UNC13C: variants seen among roughly 807,000 people sequenced by gnomAD.
UNC13C encodes the protein protein unc-13 homolog C.
Under a neutral mutation model 245.4 loss-of-function variants are expected in UNC13C, and 174 were observed. That is an observed-to-expected ratio of 0.71 (90% CI 0.63 to 0.80). The LOEUF (loss-of-function observed/expected upper bound fraction) is 0.80. UNC13C is among the 30% of genes least tolerant of loss of function. UNC13C has a pLI of 0.00. For synonymous variants in UNC13C, 992 were observed against 895.1 expected (o/e 1.11, Z -1.93); for missense variants, 2,829 against 2,602.9 (o/e 1.09, Z -1.89).
At chr15:54,580,243 T>C (rs1471703032) in intron 30 of UNC13C, among the ~76,000 whole-genome samples, 1 of 152,236 alleles carries the variant, frequency 6.6e-6, no homozygotes, top group African/African-American at 2.4e-5. Flanking sequence ...TCACAGCTGA[T>C]TTCTGAGCGA....
chr15:54,479,369 C>T (rs1596455496), intron 19 of UNC13C, among the ~76,000 whole-genome samples: 1 of 151,932 alleles, frequency 6.6e-6, no homozygotes, highest in South Asian at 2.1e-4. Context: ...AATGTAAAGT[C>T]TCTTTTGTCT....
chr15:54,008,584 A>G (rs1325099050), intron 1 of UNC13C, among the ~76,000 whole-genome samples: 1 of 152,220 alleles, frequency 6.6e-6, no homozygotes, highest in East Asian at 1.9e-4. Flanking sequence ...AAATATCTAG[A>G]GAGTAAGTTG....
the UNC13C span, among the ~76,000 whole-genome samples, chr15:53,845,134 G>T: frequency 6.6e-6 from 1 of 151,928 alleles, no homozygotes; most frequent in African/African-American, 2.4e-5. Context: ...GACTAGCCTG[G>T]CCAATACAGT....
intron 4 of UNC13C, among the ~76,000 whole-genome samples, chr15:54,183,016 T>C (rs955114493): frequency 1.3e-5 from 2 of 152,002 alleles, no homozygotes; most frequent in African/African-American, 4.8e-5. Context: ...ATTCATGTTT[T>C]AATATCTAGA....
chr15:53,842,682 GT>G, the UNC13C span, among the ~76,000 whole-genome samples: 2 of 152,030 alleles, frequency 1.3e-5, no homozygotes, highest in African/African-American at 4.8e-5. Context: ...TGAAAATGAA[GT>G]TGACACACAG....
chr15:54,109,770 C>G (rs879859474), intron 2 of UNC13C, among the ~76,000 whole-genome samples: 1 of 152,006 alleles, frequency 6.6e-6, no homozygotes, highest in Non-Finnish European at 1.5e-5. Flanking sequence ...CATTATGAAA[C>G]TGGATTGTGA....
At chr15:54,108,864 A>G (rs916953750) in intron 2 of UNC13C, among the ~76,000 whole-genome samples, 1 of 152,118 alleles carries the variant, frequency 6.6e-6, no homozygotes, top group East Asian at 1.9e-4. Context: ...GATTCAGGCA[A>G]CTCTTCAGAT....
At chr15:53,896,908 T>C in the UNC13C span, among the ~76,000 whole-genome samples, 1 of 152,198 alleles carries the variant, frequency 6.6e-6, no homozygotes, top group Non-Finnish European at 1.5e-5. Flanking sequence ...CTGTCCTGGA[T>C]GACCTACCTC....
At chr15:53,842,501 A>G in the UNC13C span, among the ~76,000 whole-genome samples, 2 of 152,160 alleles carry the variant, frequency 1.3e-5, no homozygotes, top group South Asian at 2.1e-4. Flanking sequence ...TCTGGGCACA[A>G]TAAATGGTCA....
At chr15:54,571,182 A>G (rs1897737381) in intron 30 of UNC13C, among the ~76,000 whole-genome samples, 1 of 152,248 alleles carries the variant, frequency 6.6e-6, no homozygotes, top group Non-Finnish European at 1.5e-5. Context: ...GACATATCCA[A>G]GAGTGGGTAA....
chr15:54,376,553 G>C (rs952347156), intron 17 of UNC13C, among the ~76,000 whole-genome samples: 1 of 152,288 alleles, frequency 6.6e-6, no homozygotes, highest in Middle Eastern at 3.4e-3. Flanking sequence ...CAGTCTGACT[G>C]ATACTCAAGT....
chr15:54,512,567 T>C lies in UNC13C; in HGVS notation c.5457+737T>C, dbSNP rs1225068679. Among the ~76,000 whole-genome samples, 5 of 152,152 alleles carry C rather than the reference T, an allele frequency of 3.3e-5. No homozygotes were observed. The East Asian group carries it at 9.6e-4, about 29-fold the overall frequency. On this transcript the variant is annotated intron_variant, in intron 24 of 32. Coordinates refer to ENST00000260323, the MANE Select transcript of UNC13C (RefSeq NM_001080534.3). ...TTTCTTTCATAAACTGACCTAAGCA[T>C]TCAGGGATTGAGGACTGGAGAAGGT...
chr15:54,113,597 C>T (rs1039782750), intron 2 of UNC13C, among the ~76,000 whole-genome samples: 3 of 152,052 alleles, frequency 2.0e-5, no homozygotes, highest in South Asian at 2.1e-4. Context: ...GAGGCCGAGG[C>T]GGGTGGATCA....
At position 54,246,038 on chromosome 15, in the gene UNC13C, T is replaced by C. The variant is rs138977904; in HGVS notation, c.3229-4187T>C. On this transcript the variant is annotated intron_variant, in intron 7 of 32. Transcript: ENST00000260323. ...TATTAACAGTTGGTAGATTAGAATA[T>C]TGATGGTCTGAAAACACTAGTCATT... is the stretch of plus-strand genomic sequence containing the variant. Among the ~76,000 whole-genome samples the C allele has an allele frequency of 2.3e-3, 349 of 152,286 alleles. 1 individual carries two copies. The highest frequency in any genetic ancestry group is 8.1e-3 in the African/African-American group (335 of 41,566).
At chr15:54,243,928 G>T (rs1043522348) in intron 7 of UNC13C, among the ~76,000 whole-genome samples, 1 of 152,068 alleles carries the variant, frequency 6.6e-6, no homozygotes, top group Non-Finnish European at 1.5e-5. Context: ...TCTGTAGGTT[G>T]CCTGTTCACT....
intron 4 of UNC13C, among the ~76,000 whole-genome samples, chr15:54,178,059 C>G (rs183734417): frequency 6.6e-6 from 1 of 152,122 alleles, no homozygotes; most frequent in East Asian, 1.9e-4. Context: ...CTCTATCTTT[C>G]CCTTTAACTT....
the UNC13C span, among the ~76,000 whole-genome samples, chr15:53,936,958 AG>A: frequency 1.3e-5 from 2 of 152,204 alleles, no homozygotes; most frequent in Non-Finnish European, 2.9e-5. Context: ...AAACTCAAAA[AG>A]CCATAGTGCC....
intron 10 of UNC13C, among the ~76,000 whole-genome samples, chr15:54,292,175 A>C (rs1023214981): frequency 2.0e-5 from 3 of 152,028 alleles, no homozygotes; most frequent in African/African-American, 7.2e-5. Context: ...TTGACATGCT[A>C]GTTCCTTTCC....
At chr15:53,898,897 T>C in the UNC13C span, among the ~76,000 whole-genome samples, 1 of 152,176 alleles carries the variant, frequency 6.6e-6, no homozygotes, top group Non-Finnish European at 1.5e-5. Context: ...CCAGAACTCA[T>C]TCATCTTGCA....
Sources: allele counts gnomAD v4.1 joint callset (sites outside exome capture counted in the v4.1 genomes callset), GRCh38; gene constraint gnomAD v4.1.1; transcripts MANE v1.5; gene names NCBI Gene and HGNC (gene_info 2026-07-23, HGNC 2026-07-21).